The following UNC80 variants were observed in gnomAD, a reference collection of about 807,000 sequenced individuals.
UNC80 encodes unc-80 subunit of NALCN channel complex, also known as protein unc-80 homolog.
A neutral mutation model predicts 384.6 loss-of-function variants in UNC80; 164 were observed. That is an observed-to-expected ratio of 0.43 (90% CI 0.38 to 0.49). The LOEUF (loss-of-function observed/expected upper bound fraction) is 0.49, where lower values mean the gene tolerates loss of function less well. Ranked by LOEUF, UNC80 falls within the 20% of genes least tolerant of loss-of-function variation. The probability of loss-of-function intolerance (pLI) is 0.00; values close to 1 mark genes in which losing one functional copy is unlikely to be tolerated. For synonymous variants in UNC80, 1,486 were observed against 1,527.8 expected, an observed-to-expected ratio of 0.97 and a Z score of 0.64; for missense variants, 3,330 against 4,143.0, an observed-to-expected ratio of 0.80 and a Z score of 5.39.
intron 24 of UNC80, among the ~76,000 whole-genome samples, chr2:209,878,370 G>T (rs1436205481): frequency 6.6e-6 from 1 of 152,164 alleles, no homozygotes; most frequent in African/African-American, 2.4e-5. Flanking sequence ...ATTGGTATTA[G>T]ACTTCTCTGA....
chr2:209,938,793 G>T (rs527528210), intron 42 of UNC80, among the ~76,000 whole-genome samples: 22 of 150,512 alleles, frequency 1.5e-4, no homozygotes, highest in African/African-American at 5.4e-4. Context: ...TGGAGTTCTT[G>T]CTCTGATGTA....
chr2:209,988,484 A>G (rs1191260199), intron 61 of UNC80, among the ~76,000 whole-genome samples: 1 of 152,110 alleles, frequency 6.6e-6, no homozygotes, highest in Non-Finnish European at 1.5e-5. Context: ...CCTATCCTTT[A>G]TACCTTATTT....
chr2:209,985,949 T>C (rs2093278012), intron 61 of UNC80, among the ~76,000 whole-genome samples: 1 of 149,292 alleles, frequency 6.7e-6, no homozygotes, highest in African/African-American at 2.6e-5. Context: ...TCATCGGGTG[T>C]ATTTTTTTTT....
chr2:209,894,190 G>A lies in UNC80; in HGVS notation c.4304G>A (p.Gly1435Asp). ...CCCAGCAGGAAGATCAGGATAGGAG[G>A]TTCTCGCCTGCTCCAGATTAAAGGA... ...KVPSRKIRIG[G>D]SRLLQIKGTR... The change falls in exon 27 of 65, where the codon GGT becomes GAT. Residue 1435 changes from glycine (G) to aspartate (D), a missense_variant. Gly to Asp is a moderately conservative substitution (Grantham distance 94). Around this residue, in one of 8 missense-constraint regions of UNC80, gnomAD observed 801 missense variants for 950.8 expected, o/e 0.84. Coordinates refer to ENST00000673920, the MANE Select transcript of UNC80 (RefSeq NM_001371986.1). 1 of 985,394 alleles carries A rather than the reference G, an allele frequency of 1.0e-6. No individual in the cohort carries two copies. The highest frequency in any genetic ancestry group is 1.7e-5 in the African/African-American group (1 of 57,344). The allele number at this position is 985,394 out of a possible 1,614,324, so 61.0% of individuals were successfully genotyped here.
At chr2:209,993,618 C>T (rs1330404749) in intron 63 of UNC80, among the ~76,000 whole-genome samples, 192 bp downstream of exon 63, 1 of 152,104 alleles carries the variant, frequency 6.6e-6, no homozygotes, top group Non-Finnish European at 1.5e-5. Context: ...CTGTCTGTAC[C>T]CCCATGAACC....
At chr2:209,884,427 ACCAACCATG>A (rs2085589912) in intron 25 of UNC80, among the ~76,000 whole-genome samples, 1 of 152,238 alleles carries the variant, frequency 6.6e-6, no homozygotes, top group South Asian at 2.1e-4. Flanking sequence ...TAGAGGCTGT[ACCAACCATG>A]CCAACGGAAT....
At position 209,998,581 on chromosome 2, in the gene UNC80, A is replaced by G. The variant is rs1468465594; in HGVS notation, c.*2986A>G. Reference sequence around the variant, plus strand: ...GATAGCTCCTCTCTTCTTTAGCATTATATTCCTTTAGTCAACAAAGAACTT... The same window carrying G: ...GATAGCTCCTCTCTTCTTTAGCATTGTATTCCTTTAGTCAACAAAGAACTT... On this transcript the variant is annotated 3_prime_UTR_variant, in exon 65 of 65. Transcript: ENST00000673920. 1 of 152,262 alleles carries G rather than the reference A, an allele frequency of 6.6e-6. No individual in the cohort carries two copies. The highest frequency in any genetic ancestry group is 1.5e-5 in the Non-Finnish European group (1 of 68,088). The allele number at this position is 152,262 out of a possible 1,614,324, so 9.4% of individuals were successfully genotyped here.
intron 16 of UNC80, among the ~76,000 whole-genome samples, chr2:209,832,558 A>G (rs1261435772): frequency 1.3e-5 from 2 of 152,204 alleles, no homozygotes; most frequent in African/African-American, 4.8e-5. Flanking sequence ...AGCTATTATA[A>G]CTATTGAAAC....
At chr2:209,896,999 C>T (rs2086862486) in intron 28 of UNC80, among the ~76,000 whole-genome samples, 1 of 151,898 alleles carries the variant, frequency 6.6e-6, no homozygotes, top group Non-Finnish European at 1.5e-5. Flanking sequence ...CAGGGTATCC[C>T]CAGGACCATC....
intron 58 of UNC80, 100 bp from the exon 59 acceptor site, chr2:209,978,429 A>C: frequency 9.4e-7 from 1 of 1,066,772 alleles, no homozygotes; most frequent in Non-Finnish European, 1.3e-6. Context: ...CACATTATTT[A>C]ACTAACCTTT....
chr2:209,809,483 T>C, intron 7 of UNC80: 1 of 1,335,470 alleles, frequency 7.5e-7, no homozygotes, highest in Non-Finnish European at 1.1e-6. Context: ...CACTTGGACG[T>C]CAAGAAGTAC....
At chr2:209,929,828 A>C in intron 36 of UNC80, 43 bp from the exon 37 acceptor site, 1 of 1,377,964 alleles carries the variant, frequency 7.3e-7, no homozygotes, top group Non-Finnish European at 9.8e-7. Context: ...CATAGACTTA[A>C]CTCCATTAAA....
At chr2:209,787,153 A>C (rs2077492331) in intron 5 of UNC80, among the ~76,000 whole-genome samples, 1 of 152,112 alleles carries the variant, frequency 6.6e-6, no homozygotes, top group African/African-American at 2.4e-5. Flanking sequence ...AACTACTAAG[A>C]AACCAGACTC....
chr2:209,826,388 A>T (rs572923470), intron 14 of UNC80, among the ~76,000 whole-genome samples: 2 of 152,330 alleles, frequency 1.3e-5, no homozygotes, highest in South Asian at 4.1e-4. Context: ...GATGGCCTGT[A>T]ACAAATGACT....
Position 209,967,652 on chromosome 2 carries a change from G to T in UNC80, c.8006+15G>T, listed in dbSNP as rs754985794. Reference sequence around the variant, plus strand: ...CCTACTTTGAGGTGAGAATGCCTCCGAGTTAGCTGTTGCTATCACAAATGT... The same window carrying T: ...CCTACTTTGAGGTGAGAATGCCTCCTAGTTAGCTGTTGCTATCACAAATGT... On this transcript the variant is annotated intron_variant, in intron 52 of 64. Transcript: ENST00000673920. 2.6e-6 allele frequency: 4 copies of T among 1,549,018 alleles called. No homozygotes were observed. The highest frequency in any genetic ancestry group is 1.4e-5 in the African/African-American group (1 of 73,044).
At position 209,978,563 on chromosome 2, in the gene UNC80, C is replaced by T. The variant is rs934942573; in HGVS notation, c.8973C>T (p.Gly2991=). The T allele has an allele frequency of 1.3e-5, 20 of 1,550,608 alleles. No homozygotes were observed. The highest frequency in any genetic ancestry group is 2.4e-5 in the South Asian group (2 of 83,960). ...GCAAGACATCCATCAGTACCGTGGG[C>T]ACCTCCACCTCTGCTTACCGCCTGA... ...YQGKTSISTV[G]TSTSAYRLSL... The change falls in exon 59 of 65, where the codon GGC becomes GGT. Residue 2991 remains glycine (G), a synonymous_variant. Transcript: ENST00000673920.
intron 40 of UNC80, among the ~76,000 whole-genome samples, chr2:209,936,055 G>A (rs2091222899): frequency 6.6e-6 from 1 of 152,052 alleles, no homozygotes; most frequent in African/African-American, 2.4e-5. Flanking sequence ...TCTGGGCCCA[G>A]ATGTAAGTAG....
rs142784257 is a variant in UNC80 at position 209,817,202 on chromosome 2, T to C, written c.1552+77T>C. The C allele has an allele frequency of 6.4e-5, 88 of 1,370,344 alleles. 1 individual carries two copies. The Middle Eastern group carries it at 1.5e-3, about 24-fold the overall frequency. 84.9% of individuals were successfully genotyped at this position (1,370,344 alleles called of 1,614,324 possible). A position where few individuals can be genotyped will look rare whatever the true frequency, so the allele number is the denominator to read the frequency against. On this transcript the variant is annotated intron_variant, in intron 10 of 64. Transcript: ENST00000673920. ...ACTGGATCTAGGGCTTCTGGGCAAA[T>C]CTGAATCTTTCTTGAACAATTCAGC...
At chr2:209,950,479 G>C (rs775209107) in intron 47 of UNC80, among the ~76,000 whole-genome samples, 15 of 150,838 alleles carry the variant, frequency 9.9e-5, no homozygotes, top group Non-Finnish European at 1.8e-4. Context: ...ACCAGTATTT[G>C]GGGCTTTGTT....
Sources: gnomAD v4.1 joint callset for allele counts (sites outside exome capture counted in the v4.1 genomes callset) on GRCh38, gnomAD v4.1.1 for gene constraint, gnomAD v4.1.1 regional missense constraint, MANE v1.5 for transcripts, NCBI Gene and HGNC (gene_info 2026-07-23, HGNC 2026-07-21) for gene names.